SORCS1: variants seen among roughly 807,000 people sequenced by gnomAD.
SORCS1 encodes the protein VPS10 domain-containing receptor SorCS1.
A neutral mutation model predicts 146.1 loss-of-function variants in SORCS1; 60 were observed. The observed-to-expected ratio is 0.41, with a 90% CI of 0.33 to 0.51. SORCS1 has a LOEUF of 0.51. Ranked by LOEUF, SORCS1 falls within the 20% of genes least tolerant of loss-of-function variation. The pLI is 0.21. For missense variants in SORCS1, 1,352 were observed against 1,487.6 expected, an observed-to-expected ratio of 0.91 and a Z score of 1.50; for synonymous variants, 637 against 584.0, an observed-to-expected ratio of 1.09 and a Z score of -1.31.
intron 3 of SORCS1, among the ~76,000 whole-genome samples, chr10:106,780,349 C>T (rs921609774): frequency 6.6e-6 from 1 of 152,186 alleles, no homozygotes; most frequent in African/African-American, 2.4e-5. Context: ...CTTCATGTAA[C>T]TTTGAACAAA....
intron 24 of SORCS1, among the ~76,000 whole-genome samples, chr10:106,579,921 C>T (rs1005760248): frequency 8.6e-5 from 13 of 151,870 alleles, no homozygotes; most frequent in African/African-American, 2.9e-4. Context: ...TCTACTGCTG[C>T]TAGTATTAGT....
At chr10:106,625,281 T>C (rs985745679) in intron 19 of SORCS1, among the ~76,000 whole-genome samples, 2 of 151,796 alleles carry the variant, frequency 1.3e-5, no homozygotes, top group African/African-American at 4.8e-5. Flanking sequence ...GCAGCATTTA[T>C]GATGTGGAGA....
chr10:106,916,182 A>AT (rs1370315339), intron 2 of SORCS1, among the ~76,000 whole-genome samples: 3 of 152,064 alleles, frequency 2.0e-5, no homozygotes, highest in Admixed American at 6.6e-5. Context: ...TCAATTAATT[A>AT]TTTTTTTATT....
In SORCS1 at chr10:106,576,670, G is replaced by A. The variant is rs1844593877; in HGVS notation, c.*750C>T. The A allele has an allele frequency of 6.6e-6, 1 of 152,184 alleles. No individual in the cohort carries two copies. The highest frequency in any genetic ancestry group is 1.5e-5 in the Non-Finnish European group (1 of 68,122). The allele number at this position is 152,184 out of a possible 1,614,324, so 9.4% of individuals were successfully genotyped here. On this transcript the variant is annotated 3_prime_UTR_variant, in exon 26 of 26. Transcript: ENST00000263054. ...CTTCAACTCGCATCTTTGTTCCTGT[G>A]GCCACAGAGAGTGCAGAAAGCAGCC...
At chr10:106,905,503 T>G (rs529446313) in intron 2 of SORCS1, among the ~76,000 whole-genome samples, 25 of 152,338 alleles carry the variant, frequency 1.6e-4, no homozygotes, top group African/African-American at 6.0e-4. Flanking sequence ...AAACTATTCT[T>G]TCCTCCTCCC....
rs934684881 is a variant in SORCS1 at position 106,579,575 on chromosome 10, G to A, written c.3266-101C>T. On this transcript the variant is annotated intron_variant, in intron 24 of 25. Coordinates refer to ENST00000263054, the MANE Select transcript of SORCS1 (RefSeq NM_052918.5). Reference sequence around the variant, plus strand: ...TCACACACAAGCAGAGGTAAGTCCTGGAAAACCATGTGGGATATACACACA... The same window carrying A: ...TCACACACAAGCAGAGGTAAGTCCTAGAAAACCATGTGGGATATACACACA... The A allele has an allele frequency of 9.1e-6, 11 of 1,205,876 alleles. No individual in the cohort carries two copies. The African/African-American group carries it at 1.5e-4, about 17-fold the overall frequency. 74.7% of individuals were successfully genotyped at this position (1,205,876 alleles called of 1,614,324 possible). A position where few individuals can be genotyped will look rare whatever the true frequency, so the allele number is the denominator to read the frequency against.
intron 5 of SORCS1, among the ~76,000 whole-genome samples, chr10:106,741,004 A>T (rs1438557473): frequency 2.6e-5 from 4 of 152,226 alleles, no homozygotes; most frequent in African/African-American, 7.2e-5. Context: ...AAGGTAAAAG[A>T]CGAAATACGT....
chr10:106,707,383 G>GA (rs1304789151), intron 7 of SORCS1, among the ~76,000 whole-genome samples: 2 of 151,752 alleles, frequency 1.3e-5, no homozygotes, highest in African/African-American at 4.8e-5. Context: ...TAGAGATGGT[G>GA]GGGGGGAGGG....
chr10:106,817,763 A>C (rs557825542), intron 3 of SORCS1, among the ~76,000 whole-genome samples: 2 of 152,238 alleles, frequency 1.3e-5, no homozygotes, highest in South Asian at 4.1e-4. Context: ...AGCTCTCTGC[A>C]GACAGGGCCC....
intron 3 of SORCS1, among the ~76,000 whole-genome samples, chr10:106,806,342 T>G (rs1947170852): frequency 6.7e-6 from 1 of 149,684 alleles, no homozygotes. Flanking sequence ...TACTCCAGCC[T>G]GGGTGACAGA....
At chr10:106,914,502 A>T (rs568439440) in intron 2 of SORCS1, among the ~76,000 whole-genome samples, 3 of 152,194 alleles carry the variant, frequency 2.0e-5, no homozygotes, top group African/African-American at 7.2e-5. Context: ...CTCCCCTCAC[A>T]TGCAAAATAC....
rs1856494580 is a variant in SORCS1, at chr10:106,730,203, A to G, written c.960-89T>C. 4.1e-6 allele frequency: 5 copies of G among 1,215,908 alleles called. No individual in the cohort carries two copies. The South Asian group carries it at 6.2e-5, about 15-fold the overall frequency. The allele number at this position is 1,215,908 out of a possible 1,614,324, so 75.3% of individuals were successfully genotyped here. A position where few individuals can be genotyped will look rare whatever the true frequency, so the allele number is the denominator to read the frequency against. On this transcript the variant is annotated intron_variant, in intron 5 of 25. Transcript: ENST00000263054. ...AACTCGGCAGAGCCCCCAGACTATT[A>G]ATATCCACAGGCATCTAAACCCACA...
chr10:107,168,688 T>A (rs1339735380), upstream of SORCS1, among the ~76,000 whole-genome samples: 1 of 128,210 alleles, frequency 7.8e-6, no homozygotes, highest in African/African-American at 3.2e-5. Context: ...TTTTTTTTTT[T>A]TACAAAGCTT....
chr10:106,920,185 C>T (rs1236413230), intron 2 of SORCS1, among the ~76,000 whole-genome samples: 1 of 152,186 alleles, frequency 6.6e-6, no homozygotes, highest in Non-Finnish European at 1.5e-5. Context: ...GCACAAGCTG[C>T]AGGGAGCCAC....
chr10:106,607,933 A>T (rs1297415594), intron 22 of SORCS1, among the ~76,000 whole-genome samples: 1 of 152,160 alleles, frequency 6.6e-6, no homozygotes, highest in Non-Finnish European at 1.5e-5. Context: ...TGTTCCCTGA[A>T]GCACCCTGAG....
chr10:106,841,477 T>TACAC (rs71025563), intron 2 of SORCS1, among the ~76,000 whole-genome samples: 5,927 of 150,440 alleles, frequency 0.039, 167 homozygotes, highest in African/African-American at 0.075. Context: ...TTCAATAAAA[T>TACAC]ACACACACAC....
intron 1 of SORCS1, among the ~76,000 whole-genome samples, chr10:106,993,876 C>T (rs1294092488): frequency 2.6e-5 from 4 of 151,756 alleles, no homozygotes; most frequent in South Asian, 2.1e-4. Flanking sequence ...AGTTTGAGAC[C>T]GGCCTGGGCA....
At chr10:107,165,284 C>CGTGTGT (rs1424930240), upstream of SORCS1, among the ~76,000 whole-genome samples, 3 of 72,982 alleles carry the variant, frequency 4.1e-5, no homozygotes, top group African/African-American at 1.0e-4. This position sits in a 1 kb window ranked among gnomAD's most constrained non-coding sequence, Gnocchi z 4.0. Context: ...TAAATGATCT[C>CGTGTGT]GTGTGTGAGT....
intron 6 of SORCS1, among the ~76,000 whole-genome samples, chr10:106,713,768 C>T (rs1335831848): frequency 6.6e-6 from 1 of 152,128 alleles, no homozygotes; most frequent in Non-Finnish European, 1.5e-5. Context: ...TTCTAGTATA[C>T]TGTGTTGCAT....
Sources: allele counts gnomAD v4.1 joint callset (sites outside exome capture counted in the v4.1 genomes callset), GRCh38; gene constraint gnomAD v4.1.1; non-coding constraint Gnocchi (gnomAD v3.1); transcripts MANE v1.5; gene names NCBI Gene and HGNC (gene_info 2026-07-23, HGNC 2026-07-21).